Variants in RASGEF1C observed in about 807,000 individuals in gnomAD.
The protein encoded by RASGEF1C is RasGEF domain family member 1C, also known as ras-GEF domain-containing family member 1C.
A neutral mutation model predicts 58.1 loss-of-function variants in RASGEF1C; 27 were observed. The observed-to-expected ratio is 0.46, with a 90% CI of 0.34 to 0.64. The LOEUF is 0.64. Among genes scored for constraint, RASGEF1C ranks in the 30% least tolerant of loss-of-function variants. The probability of loss-of-function intolerance (pLI) is 0.01; values close to 1 mark genes in which losing one functional copy is unlikely to be tolerated. For synonymous variants in RASGEF1C, 243 were observed against 246.3 expected, an observed-to-expected ratio of 0.99 and a Z score of 0.13; for missense variants, 502 against 605.1, an observed-to-expected ratio of 0.83 and a Z score of 1.79.
At chr5:180,135,916 G>GT (rs1042504694) in intron 4 of RASGEF1C, among the ~76,000 whole-genome samples, 3 of 152,214 alleles carry the variant, frequency 2.0e-5, no homozygotes, top group African/African-American at 7.2e-5. Context: ...CCTTGCTACT[G>GT]TTTTTTTGTT....
At chr5:180,175,181 T>C (rs888456408) in intron 1 of RASGEF1C, among the ~76,000 whole-genome samples, 6 of 152,302 alleles carry the variant, frequency 3.9e-5, no homozygotes, top group African/African-American at 1.4e-4. Flanking sequence ...CACTTGGCTA[T>C]GGGCAACTTT....
intron 10 of RASGEF1C, among the ~76,000 whole-genome samples, chr5:180,118,300 G>A (rs4355481): frequency 0.81 from 122,212 of 151,716 alleles, 50,273 homozygotes; most frequent in South Asian, 0.97. Flanking sequence ...GAGAGGCCAT[G>A]GGGGCTCTGA....
At chr5:180,151,154 T>C (rs1002809776) in intron 1 of RASGEF1C, among the ~76,000 whole-genome samples, 7 of 152,152 alleles carry the variant, frequency 4.6e-5, no homozygotes, top group South Asian at 2.1e-4. Context: ...AGGTAATTTA[T>C]AGATTCAATG....
intron 1 of RASGEF1C, among the ~76,000 whole-genome samples, chr5:180,150,325 G>A (rs1766726452): frequency 6.6e-6 from 1 of 152,144 alleles, no homozygotes; most frequent in Admixed American, 6.5e-5. Flanking sequence ...CTTTAGGACA[G>A]TTGTTTCAAA....
rs1231146073 is a variant in RASGEF1C, at chr5:180,156,093, C to G, written c.-6-18035G>C. On this transcript the variant is annotated intron_variant, in intron 1 of 13. Transcript: ENST00000361132. The surrounding 1 kb of genome is among the most constrained non-coding windows in gnomAD (Gnocchi z 4.9). Reference sequence around the variant, plus strand: ...CCTAATGCATCTTCCTCAACCGGTCCCACTCCTCATCCCCCTAACCTCTAG... The same window carrying G: ...CCTAATGCATCTTCCTCAACCGGTCGCACTCCTCATCCCCCTAACCTCTAG... 6.6e-6 allele frequency among the ~76,000 whole-genome samples: 1 copy of G among 152,092 alleles called. No homozygotes were observed. Among genetic ancestry groups the G allele is most frequent in the Non-Finnish European group, 1.5e-5 (1 of 67,970 alleles).
intron 4 of RASGEF1C, among the ~76,000 whole-genome samples, chr5:180,133,502 A>C (rs760687070): frequency 9.2e-5 from 14 of 152,176 alleles, no homozygotes; most frequent in Non-Finnish European, 1.5e-4. Flanking sequence ...GAGATTAAGT[A>C]ACTTGCCCAA....
intron 4 of RASGEF1C, among the ~76,000 whole-genome samples, chr5:180,134,332 C>T (rs1036885833): frequency 2.0e-5 from 3 of 152,006 alleles, no homozygotes; most frequent in Non-Finnish European, 4.4e-5. Context: ...CAGACCTGTG[C>T]GTTCTCCAGG....
intron 1 of RASGEF1C, among the ~76,000 whole-genome samples, chr5:180,206,735 C>A (rs1283783600): frequency 6.6e-6 from 1 of 152,112 alleles, no homozygotes; most frequent in Non-Finnish European, 1.5e-5. Flanking sequence ...AGCCACAGAA[C>A]GAAATACTAT....
intron 1 of RASGEF1C, among the ~76,000 whole-genome samples, chr5:180,171,416 C>T (rs557738210): frequency 4.6e-5 from 7 of 152,238 alleles, no homozygotes; most frequent in East Asian, 1.9e-4. Flanking sequence ...GAATCCAACC[C>T]GCCCATGAGA....
chr5:180,178,666 C>A (rs543769818), intron 1 of RASGEF1C, among the ~76,000 whole-genome samples: 7 of 152,064 alleles, frequency 4.6e-5, no homozygotes, highest in Non-Finnish European at 1.0e-4. Context: ...ATAGAAAGAA[C>A]CTAACACCCC....
At position 180,153,779 on chromosome 5, in the gene RASGEF1C, C is replaced by T. The variant is rs959922794; in HGVS notation, c.-6-15721G>A. 7.3e-5 allele frequency among the ~76,000 whole-genome samples: 11 copies of T among 151,628 alleles called. No homozygotes were observed. The South Asian group carries it at 1.7e-3, about 23-fold the overall frequency. On this transcript the variant is annotated intron_variant, in intron 1 of 13. Coordinates refer to ENST00000361132, the MANE Select transcript of RASGEF1C (RefSeq NM_175062.4). ...GGTTAAATTTTCTCCCTTTTCTTGT[C>T]ATAATGCATTGGACAGAACTTGCTA...
In RASGEF1C at chr5:180,101,355, G is replaced by C. The variant is rs943602247; in HGVS notation, c.*146C>G. On this transcript the variant is annotated 3_prime_UTR_variant, in exon 14 of 14. Coordinates refer to ENST00000361132, the MANE Select transcript of RASGEF1C (RefSeq NM_175062.4). ...CCTGTGCCCGTATGGCCACTGTGGG[G>C]GGGGGGGGGGCGGGCAGCAGGCCAC... 32 of 824,548 alleles carry C rather than the reference G, an allele frequency of 3.9e-5. 1 individual carries two copies. Among genetic ancestry groups the C allele is most frequent in the South Asian group, 3.2e-4 (19 of 58,670 alleles). 51.1% of individuals were successfully genotyped at this position (824,548 alleles called of 1,614,324 possible).
At chr5:180,191,599 G>A (rs889861643) in intron 1 of RASGEF1C, among the ~76,000 whole-genome samples, 11 of 151,680 alleles carry the variant, frequency 7.3e-5, no homozygotes, top group Admixed American at 3.9e-4. Flanking sequence ...CTCGTGATCC[G>A]CCCGCCTCAG....
intron 1 of RASGEF1C, among the ~76,000 whole-genome samples, chr5:180,149,073 CTTTTCTTTTT>C (rs1399170508): frequency 2.2e-5 from 3 of 136,186 alleles, no homozygotes; most frequent in African/African-American, 8.1e-5. Context: ...TCTACTTTTT[CTTTTCTTTTT>C]TTTTCTTTTT....
chr5:180,191,418 G>A (rs565110152), intron 1 of RASGEF1C, among the ~76,000 whole-genome samples: 16 of 151,962 alleles, frequency 1.1e-4, no homozygotes, highest in East Asian at 7.7e-4. Context: ...GTGCAGTGGC[G>A]CGATCTCAGC....
intron 1 of RASGEF1C, among the ~76,000 whole-genome samples, chr5:180,176,932 C>T (rs1351502284): frequency 6.6e-6 from 1 of 152,188 alleles, no homozygotes; most frequent in Non-Finnish European, 1.5e-5. Flanking sequence ...GTGGTGCCAG[C>T]CGTCAGGGTT....
intron 6 of RASGEF1C, among the ~76,000 whole-genome samples, chr5:180,126,121 A>G (rs545424320): frequency 6.6e-6 from 1 of 150,936 alleles, no homozygotes; most frequent in South Asian, 2.1e-4. Flanking sequence ...TCTTACAAGA[A>G]TCTCGGCCGG....
intron 1 of RASGEF1C, among the ~76,000 whole-genome samples, chr5:180,193,222 A>C (rs1756200474): frequency 8.2e-6 from 1 of 121,854 alleles, no homozygotes. Context: ...CACCCGGCTA[A>C]TTTCTTGTAT....
intron 13 of RASGEF1C, 24 bp downstream of exon 13, chr5:180,102,047 C>T (rs62405052): frequency 1.4e-5 from 15 of 1,109,852 alleles, no homozygotes; most frequent in Non-Finnish European, 1.9e-5. Context: ...AGCCCCCAGG[C>T]CCCACCTTGG....
Sources: gnomAD v4.1 joint callset for allele counts (sites outside exome capture counted in the v4.1 genomes callset) on GRCh38, gnomAD v4.1.1 for gene constraint, Gnocchi (gnomAD v3.1) non-coding constraint, MANE v1.5 for transcripts, NCBI Gene and HGNC (gene_info 2026-07-23, HGNC 2026-07-21) for gene names.